The following COL18A1 variants were observed in gnomAD, a reference collection of about 807,000 sequenced individuals.
The protein encoded by COL18A1 is collagen alpha-1(XVIII) chain.
COL18A1 carries 133 observed loss-of-function variants against 168.0 expected under a neutral mutation model. That is an observed-to-expected ratio of 0.79 (90% CI 0.69 to 0.91). The LOEUF is 0.91. COL18A1 is among the 40% of genes least tolerant of loss of function. The pLI is 0.00. For missense variants in COL18A1, 2,126 were observed against 1,925.4 expected, an observed-to-expected ratio of 1.10 and a Z score of -1.95; for synonymous variants, 949 against 809.0, an observed-to-expected ratio of 1.17 and a Z score of -2.94.
At chr21:45,478,701 C>T (rs116554887) in intron 9 of COL18A1, among the ~76,000 whole-genome samples, 6,237 of 152,034 alleles carry the variant, frequency 0.041, 453 homozygotes, top group African/African-American at 0.14. Context: ...AAGCACGGGG[C>T]GACCTGAGAC....
intron 2 of COL18A1, among the ~76,000 whole-genome samples, chr21:45,431,327 AGC>A (rs1569284367): frequency 6.9e-6 from 1 of 144,666 alleles, no homozygotes; most frequent in Non-Finnish European, 1.5e-5. Flanking sequence ...CTGCAGAGAC[AGC>A]GGAGCGTGTG....
intron 2 of COL18A1, among the ~76,000 whole-genome samples, chr21:45,467,081 G>T (rs1476070361): frequency 6.6e-6 from 1 of 152,258 alleles, no homozygotes; most frequent in African/African-American, 2.4e-5. Flanking sequence ...AGCCCGTTGG[G>T]ACCCCTCTGC....
chr21:45,501,695 GCTCCACAGCCGGTCA>G (rs2036840200), intron 32 of COL18A1, among the ~76,000 whole-genome samples: 2 of 147,172 alleles, frequency 1.4e-5, no homozygotes, highest in Non-Finnish European at 3.0e-5. Context: ...ACCCCCAGGG[GCTCCACAGCCGGTCA>G]CCTCCCTCTG....
chr21:45,495,666 AT>A (rs1389682270), intron 29 of COL18A1: 2 of 537,658 alleles, frequency 3.7e-6, no homozygotes, highest in African/African-American at 3.8e-5. Flanking sequence ...ATGTGTGCAC[AT>A]ATACACATGC....
chr21:45,418,307 C>T (rs980750763), intron 2 of COL18A1, among the ~76,000 whole-genome samples: 8 of 152,192 alleles, frequency 5.3e-5, no homozygotes, highest in East Asian at 1.9e-4. Flanking sequence ...GCCCTTCCCA[C>T]GCCTGCCCGC....
At chr21:45,495,865 G>A (rs567092108) in intron 29 of COL18A1, 6 of 313,952 alleles carry the variant, frequency 1.9e-5, no homozygotes, top group Admixed American at 4.3e-5. Context: ...ACATGTGCAC[G>A]TATCCACATG....
chr21:45,452,855 GT>G (rs1426517663), intron 2 of COL18A1, among the ~76,000 whole-genome samples: 3 of 151,014 alleles, frequency 2.0e-5, no homozygotes, highest in East Asian at 2.0e-4. Flanking sequence ...GTATGTATGT[GT>G]GGGGCTTGTG....
At chr21:45,410,290 C>A (rs1358460381) in intron 2 of COL18A1, among the ~76,000 whole-genome samples, 1 of 152,196 alleles carries the variant, frequency 6.6e-6, no homozygotes, top group Non-Finnish European at 1.5e-5. Flanking sequence ...CCCACAGGAG[C>A]CTTGTGATGG....
intron 37 of COL18A1, 23 bp downstream of exon 37, chr21:45,505,989 T>A (rs1254847034): frequency 6.2e-7 from 1 of 1,612,714 alleles, no homozygotes; most frequent in Non-Finnish European, 8.5e-7. Flanking sequence ...TGTGACGGGT[T>A]CTGGACCCGT....
chr21:45,442,122 C>T lies in COL18A1; in HGVS notation c.107-26120C>T, dbSNP rs1006653436. Among the ~76,000 whole-genome samples, 14 of 152,354 alleles carry T rather than the reference C, an allele frequency of 9.2e-5. 2 individuals carry two copies. The highest frequency in any genetic ancestry group is 3.4e-3 in the Middle Eastern group (1 of 294). On this transcript the variant is annotated intron_variant, in intron 2 of 41. Coordinates refer to ENST00000651438, the MANE Select transcript of COL18A1 (RefSeq NM_001379500.1). ...CACAGTCCTGCAGCTCGGCTGTGCCCTTGAGTGGGTGGCGCTGCCCTGTTG... is the reference window on the plus strand; with the variant it reads ...CACAGTCCTGCAGCTCGGCTGTGCCTTTGAGTGGGTGGCGCTGCCCTGTTG...
intron 32 of COL18A1, among the ~76,000 whole-genome samples, chr21:45,500,325 G>GTGTGTATATGT (rs2036719549): frequency 9.5e-6 from 1 of 105,402 alleles, no homozygotes; most frequent in Admixed American, 9.2e-5. Flanking sequence ...GGGGGTGTGA[G>GTGTGTATATGT]GGGTGTGGAG....
chr21:45,456,382 G>GCTCC, intron 2 of COL18A1: 1 of 1,549,104 alleles, frequency 6.5e-7, no homozygotes, highest in Non-Finnish European at 8.7e-7. Flanking sequence ...TCTCCTCTGG[G>GCTCC]CTCCCGGGCG....
At chr21:45,499,334 A>G (rs542070329) in intron 32 of COL18A1, among the ~76,000 whole-genome samples, 6 of 152,370 alleles carry the variant, frequency 3.9e-5, no homozygotes, top group Non-Finnish European at 8.8e-5. Context: ...CAACGCTGGC[A>G]GGAACCGGCG....
chr21:45,439,009 A>G (rs2034295631), intron 2 of COL18A1, among the ~76,000 whole-genome samples: 1 of 152,212 alleles, frequency 6.6e-6, no homozygotes, highest in Non-Finnish European at 1.5e-5. Context: ...GCAATTTGGC[A>G]GGGCCGTTCC....
Position 45,498,681 on chromosome 21 carries a change from T to G in COL18A1, c.2683+1020T>G. On this transcript the variant is annotated intron_variant, in intron 32 of 41. Transcript: ENST00000651438. The surrounding 1 kb of genome is among the most constrained non-coding windows in gnomAD (Gnocchi z 4.5). ...GATGTGCCCATGCCAGCCTTGGATC[T>G]CTCAGCGTCACACACGACGCCCAGG... is the stretch of plus-strand genomic sequence containing the variant. 1 of 667,706 alleles carries G rather than the reference T, an allele frequency of 1.5e-6. No homozygotes were observed. The highest frequency in any genetic ancestry group is 2.2e-5 in the Admixed American group (1 of 44,960). The allele number at this position is 667,706 out of a possible 1,614,324, so 41.4% of individuals were successfully genotyped here.
intron 9 of COL18A1, among the ~76,000 whole-genome samples, chr21:45,478,999 G>A (rs950784518): frequency 3.3e-5 from 5 of 152,202 alleles, no homozygotes; most frequent in African/African-American, 7.2e-5. Flanking sequence ...AGCTGCCTGC[G>A]ATGAGGACCA....
At chr21:45,501,740 TCCACAGCCGG>T (rs1568935845) in intron 32 of COL18A1, among the ~76,000 whole-genome samples, 74 of 101,314 alleles carry the variant, frequency 7.3e-4, no homozygotes, top group South Asian at 1.7e-3. Context: ...CCCCAGGGGC[TCCACAGCCGG>T]TCACCTCCCT....
chr21:45,431,011 C>G (rs115491384), intron 2 of COL18A1, among the ~76,000 whole-genome samples: 4,602 of 152,326 alleles, frequency 0.03, 83 homozygotes, highest in Middle Eastern at 0.061. Context: ...TGTTGACGGG[C>G]GGGCCGAGCA....
In COL18A1 at chr21:45,468,671, AC is replaced by A; in HGVS notation, c.537del (p.Cys180ValfsTer40). On this transcript the variant is annotated frameshift_variant, in exon 3 of 42. Coordinates refer to ENST00000651438, the MANE Select transcript of COL18A1 (RefSeq NM_001379500.1). LOFTEE classifies it high-confidence loss of function. Reference protein sequence around the residue: ...VAGGFVALYVDCEEFQRMPLA... With the variant: ...VAGGFVALYVXCEEFQRMPLA... The stretch of plus-strand genomic sequence containing the variant: ...GGTGGCTTTGTGGCCCTCTACGTGG[AC>A]TGTGAGGAGTTCCAGAGAATGCCGC... 1.2e-6 allele frequency: 2 copies of A among 1,613,896 alleles called. No individual in the cohort carries two copies. Among genetic ancestry groups the A allele is most frequent in the Non-Finnish European group, 1.7e-6 (2 of 1,180,002 alleles).
Sources: allele counts gnomAD v4.1 joint callset (sites outside exome capture counted in the v4.1 genomes callset), GRCh38; gene constraint gnomAD v4.1.1; non-coding constraint Gnocchi (gnomAD v3.1); transcripts MANE v1.5; gene names NCBI Gene and HGNC (gene_info 2026-07-23, HGNC 2026-07-21).